The following DST variants were observed in gnomAD, a reference collection of about 807,000 sequenced individuals.
The protein encoded by DST is dystonin.
Under a neutral mutation model 875.2 loss-of-function variants are expected in DST, and 253 were observed. The observed-to-expected ratio is 0.29, with a 90% CI of 0.26 to 0.32. The LOEUF (loss-of-function observed/expected upper bound fraction) is 0.32, where lower values mean the gene tolerates loss of function less well. Among genes scored for constraint, DST ranks in the 10% least tolerant of loss-of-function variants. DST has a pLI of 1.00. For missense variants in DST, 8,287 were observed against 9,111.6 expected (o/e 0.91, Z 3.68); for synonymous variants, 3,124 against 3,197.1 (o/e 0.98, Z 0.77).
At chr6:56,556,331 T>C (rs1405896005) in intron 59 of DST, among the ~76,000 whole-genome samples, 1 of 152,184 alleles carries the variant, frequency 6.6e-6, no homozygotes, top group South Asian at 2.1e-4. Context: ...TTTACAGTCT[T>C]TATTATAAAG....
chr6:56,589,554 TAA>T (rs1164478107), intron 49 of DST, among the ~76,000 whole-genome samples: 4 of 152,172 alleles, frequency 2.6e-5, no homozygotes, highest in Non-Finnish European at 4.4e-5. Flanking sequence ...GTACAATTCA[TAA>T]AAGTTTCCTG....
chr6:56,805,846 G>A (rs376668465), intron 4 of DST, among the ~76,000 whole-genome samples: 4 of 152,318 alleles, frequency 2.6e-5, no homozygotes, highest in African/African-American at 9.6e-5. Context: ...ATGATTATTT[G>A]ATGATTCAGA....
At chr6:56,753,775 G>A (rs1450029645) in intron 4 of DST, among the ~76,000 whole-genome samples, 4 of 152,120 alleles carry the variant, frequency 2.6e-5, no homozygotes, top group African/African-American at 9.7e-5. Flanking sequence ...TGGAGAAAAT[G>A]TTTAGGAAAA....
At chr6:56,807,506 A>G (rs548953273) in intron 4 of DST, among the ~76,000 whole-genome samples, 1 of 152,250 alleles carries the variant, frequency 6.6e-6, no homozygotes, top group Non-Finnish European at 1.5e-5. Context: ...TAAAGCTATC[A>G]TCATCAAGAT....
chr6:56,736,494 C>T (rs1287397597), intron 4 of DST, among the ~76,000 whole-genome samples: 1 of 152,190 alleles, frequency 6.6e-6, no homozygotes, highest in Non-Finnish European at 1.5e-5. Flanking sequence ...CTTCTTCTCT[C>T]CTTTCTGCCT....
chr6:56,483,446 T>C (rs1338070069), intron 88 of DST: 1 of 151,510 alleles, frequency 6.6e-6, no homozygotes, highest in African/African-American at 2.4e-5. Context: ...TTTCATAATA[T>C]CTTAGGTACT....
chr6:56,493,604 T>G (rs1198419286), intron 83 of DST, among the ~76,000 whole-genome samples: 2 of 152,166 alleles, frequency 1.3e-5, no homozygotes, highest in Non-Finnish European at 2.9e-5. Flanking sequence ...CTCATGAATT[T>G]TTAAATGTAA....
At position 56,555,598 on chromosome 6, in the gene DST, A is replaced by G. The variant is rs1424651874; in HGVS notation, c.14883T>C (p.Asp4961=). 1.2e-6 allele frequency: 2 copies of G among 1,614,028 alleles called. No homozygotes were observed. The highest frequency in any genetic ancestry group is 3.3e-5 in the Admixed American group (2 of 60,018). The change falls in exon 60 of 104, where the codon GAT becomes GAC. Residue 4961 remains aspartate (D), a synonymous_variant. Transcript: ENST00000680361. ...QYQSLLRSLS[D]KLSDLDNKLS... The stretch of plus-strand genomic sequence containing the variant: ...GTTTATTATCCAAGTCACTCAGTTT[A>G]TCAGAAAGGCTTCTCAGCAGGCTTT...
rs918525689 is a variant in DST, at chr6:56,761,017, G to A, written c.626-25728C>T. On this transcript the variant is annotated intron_variant, in intron 4 of 103. Transcript: ENST00000680361. ...ATATAACTAAAGTAACTGTGTTAGA[G>A]TTCTGAGACTAGGTCATAAAAAGCA... is the stretch of plus-strand genomic sequence containing the variant. Among the ~76,000 whole-genome samples the A allele has an allele frequency of 7.2e-5, 11 of 152,234 alleles. 1 individual carries two copies. The highest frequency in any genetic ancestry group is 3.9e-4 in the Admixed American group (6 of 15,280).
intron 4 of DST, among the ~76,000 whole-genome samples, chr6:56,781,070 G>A (rs1421232712): frequency 6.6e-6 from 1 of 151,698 alleles, no homozygotes; most frequent in Non-Finnish European, 1.5e-5. Flanking sequence ...GCTCTGTTCT[G>A]TCCATTGATC....
At chr6:56,824,855 A>AC (rs1227382478) in intron 4 of DST, among the ~76,000 whole-genome samples, 2 of 147,244 alleles carry the variant, frequency 1.4e-5, no homozygotes, top group Non-Finnish European at 3.0e-5. Context: ...CCCCGCAGCC[A>AC]CCCCGTCCGG....
intron 71 of DST, among the ~76,000 whole-genome samples, chr6:56,516,175 A>AAGAGAAAGAAAG (rs149845075): frequency 8.7e-6 from 1 of 114,352 alleles, no homozygotes; most frequent in African/African-American, 2.6e-5. Flanking sequence ...GAGAAAGAGA[A>AAGAGAAAGAAAG]AGAAAGAGAA....
At chr6:56,676,969 T>A (rs1243657063) in intron 9 of DST, among the ~76,000 whole-genome samples, 1 of 152,264 alleles carries the variant, frequency 6.6e-6, no homozygotes, top group South Asian at 2.1e-4. Flanking sequence ...CACAACATAG[T>A]GACTATAGTT....
rs759395950 is a variant in DST, at chr6:56,497,374, C to G, written c.20223+5G>C. ...GGCTAAAGCTGTAGGAAATACTTTGCTTACCATATGGACATTAAGCTGCTC... is the reference window on the plus strand; with the variant it reads ...GGCTAAAGCTGTAGGAAATACTTTGGTTACCATATGGACATTAAGCTGCTC... On this transcript the variant is annotated splice_donor_5th_base_variant and intron_variant, in intron 82 of 103. Coordinates refer to ENST00000680361, the MANE Select transcript of DST (RefSeq NM_001374736.1). 1 of 1,611,648 alleles carries G rather than the reference C, an allele frequency of 6.2e-7. No individual in the cohort carries two copies. The highest frequency in any genetic ancestry group is 8.5e-7 in the Non-Finnish European group (1 of 1,178,242).
chr6:56,479,221 C>A (rs1221982408), intron 90 of DST, among the ~76,000 whole-genome samples: 1 of 151,972 alleles, frequency 6.6e-6, no homozygotes, highest in Non-Finnish European at 1.5e-5. Flanking sequence ...TTAAAGCCAC[C>A]CTGAGATATC....
intron 100 of DST, chr6:56,464,128 A>G (rs76078908): frequency 2.9e-5 from 11 of 380,262 alleles, no homozygotes; most frequent in Admixed American, 2.2e-4. Context: ...CCCTCTCATC[A>G]CACTGAGAAG....
Position 56,491,954 on chromosome 6 carries a change from C to T in DST, c.20757+273G>A, listed in dbSNP as rs75692912. Reference sequence around the variant, plus strand: ...ATAAAAAAAAATTCTGAGCTTCTTTCTGGGCCTCAATGATAATAGCCTGTC... The same window carrying T: ...ATAAAAAAAAATTCTGAGCTTCTTTTTGGGCCTCAATGATAATAGCCTGTC... On this transcript the variant is annotated intron_variant, in intron 85 of 103. Transcript: ENST00000680361. Among the ~76,000 whole-genome samples, 139 of 152,334 alleles carry T rather than the reference C, an allele frequency of 9.1e-4. 4 individuals carry two copies. In the East Asian group the frequency reaches 0.024, roughly 26 times the overall value.
At chr6:56,641,171 T>C (rs2098896377) in intron 17 of DST, among the ~76,000 whole-genome samples, 1 of 150,956 alleles carries the variant, frequency 6.6e-6, no homozygotes, top group African/African-American at 2.4e-5. Flanking sequence ...AAATATTCCA[T>C]ACTTACCCCC....
intron 4 of DST, among the ~76,000 whole-genome samples, chr6:56,750,544 T>G (rs1407227702): frequency 6.6e-6 from 1 of 152,112 alleles, no homozygotes. Context: ...CTCCTATCTA[T>G]CTTCATGAGA....
Sources: gnomAD v4.1 joint callset for allele counts (sites outside exome capture counted in the v4.1 genomes callset) on GRCh38, gnomAD v4.1.1 for gene constraint, MANE v1.5 for transcripts, NCBI Gene and HGNC (gene_info 2026-07-23, HGNC 2026-07-21) for gene names.